The following EDDM13 variants were observed in gnomAD, a reference collection of about 807,000 sequenced individuals.
The protein encoded by EDDM13 is epididymal protein 13.
EDDM13 carries 24 observed loss-of-function variants against 17.8 expected under a neutral mutation model. The ratio of observed to expected loss-of-function variants is 1.35; its 90% CI spans 0.98 to 1.90. The LOEUF (loss-of-function observed/expected upper bound fraction) is 1.90. Among genes scored for constraint, EDDM13 ranks in the 40% most tolerant of loss-of-function variants. The pLI is 0.00. For synonymous variants in EDDM13, 31 were observed against 37.5 expected (o/e 0.83, Z 0.63); for missense variants, 97 against 100.8 (o/e 0.96, Z 0.16).
chr19:56,308,275 GC>G (rs1433106657), intron 14 of EDDM13, among the ~76,000 whole-genome samples: 2 of 151,278 alleles, frequency 1.3e-5, no homozygotes, highest in Admixed American at 1.3e-4. Flanking sequence ...CTTGTGATCC[GC>G]CCGCCTCGGC....
At chr19:56,301,323 G>A (rs2040213544) in intron 12 of EDDM13, among the ~76,000 whole-genome samples, 1 of 152,102 alleles carries the variant, frequency 6.6e-6, no homozygotes, top group Non-Finnish European at 1.5e-5. Context: ...CTGGAGCTGA[G>A]GGTGCCTCCC....
At chr19:56,308,356 C>G (rs2040835287) in intron 14 of EDDM13, among the ~76,000 whole-genome samples, 1 of 144,052 alleles carries the variant, frequency 6.9e-6, no homozygotes, top group African/African-American at 2.6e-5. Context: ...TGGAGGCTCA[C>G]TCTGTCACCC....
At chr19:56,287,883 A>C (rs1482035138) in intron 6 of EDDM13, among the ~76,000 whole-genome samples, 2 of 152,236 alleles carry the variant, frequency 1.3e-5, no homozygotes, top group African/African-American at 4.8e-5. Context: ...TAAGAGGTGT[A>C]AATGCCACAA....
chr19:56,302,474 T>C (rs1489284661), intron 13 of EDDM13, among the ~76,000 whole-genome samples: 1 of 135,380 alleles, frequency 7.4e-6, no homozygotes, highest in Non-Finnish European at 1.6e-5. Context: ...CCTCCCTCCC[T>C]TCTTCCTTCC....
rs562764689 is a variant in EDDM13, at chr19:56,292,306, C to G, written c.232+1460C>G. On this transcript the variant is annotated intron_variant, in intron 9 of 14. Coordinates refer to ENST00000649256, the MANE Select transcript of EDDM13 (RefSeq NM_001354658.2). ...GTAACTTGTTTTCATTTTTTAGAGACAGGATCTTGCTCTGTTGTCCAGGCT... is the reference window on the plus strand; with the variant it reads ...GTAACTTGTTTTCATTTTTTAGAGAGAGGATCTTGCTCTGTTGTCCAGGCT... Among the ~76,000 whole-genome samples, 7 of 152,268 alleles carry G rather than the reference C, an allele frequency of 4.6e-5. No homozygotes were observed. In the South Asian group the frequency reaches 1.5e-3, roughly 32 times the overall value.
At chr19:56,302,150 G>T in intron 13 of EDDM13, 55 bp downstream of exon 13, 1 of 1,199,448 alleles carries the variant, frequency 8.3e-7, no homozygotes, top group Non-Finnish European at 1.0e-6. Flanking sequence ...GGAAAGAGGA[G>T]GGAAGTGGGG....
chr19:56,277,993 A>C (rs941215748), intron 2 of EDDM13, among the ~76,000 whole-genome samples: 9 of 152,186 alleles, frequency 5.9e-5, no homozygotes, highest in African/African-American at 1.9e-4. Context: ...AAACCAAAAA[A>C]GTTTAGTAAG....
At chr19:56,289,623 G>A (rs1367827781) in intron 8 of EDDM13, among the ~76,000 whole-genome samples, 4 of 152,020 alleles carry the variant, frequency 2.6e-5, no homozygotes, top group African/African-American at 9.7e-5. Context: ...TTTGTTTTTG[G>A]GTTTTTTTGA....
intron 8 of EDDM13, among the ~76,000 whole-genome samples, 116 bp from the exon 9 acceptor site, chr19:56,290,725 T>C (rs142578224): frequency 1.7e-4 from 26 of 152,262 alleles, no homozygotes; most frequent in African/African-American, 6.3e-4. Context: ...CAGTTTAAAA[T>C]AGTTTTACGA....
intron 9 of EDDM13, among the ~76,000 whole-genome samples, chr19:56,294,614 ACACAGTGAATGGG>A (rs2039737295): frequency 6.6e-6 from 1 of 152,216 alleles, no homozygotes; most frequent in Non-Finnish European, 1.5e-5. Flanking sequence ...CACAGACAAC[ACACAGTGAATGGG>A]CATGGCTGTG....
chr19:56,294,854 T>G (rs1262448659), intron 9 of EDDM13, among the ~76,000 whole-genome samples: 1 of 152,204 alleles, frequency 6.6e-6, no homozygotes, highest in East Asian at 1.9e-4. Flanking sequence ...GAAAACACAG[T>G]GCTCAGTCAA....
chr19:56,309,077 A>G (rs1457662329), intron 14 of EDDM13, among the ~76,000 whole-genome samples: 1 of 152,250 alleles, frequency 6.6e-6, no homozygotes, highest in East Asian at 1.9e-4. Context: ...AAGGATAAAC[A>G]AAACGTAGTG....
At chr19:56,277,541 G>C (rs556148564) in intron 2 of EDDM13, among the ~76,000 whole-genome samples, 1 of 151,868 alleles carries the variant, frequency 6.6e-6, no homozygotes, top group East Asian at 1.9e-4. Flanking sequence ...GTGAGGGGTG[G>C]GGGAATTTAG....
chr19:56,299,065 A>T (rs1317710009), intron 12 of EDDM13, among the ~76,000 whole-genome samples: 2 of 152,264 alleles, frequency 1.3e-5, no homozygotes, highest in Non-Finnish European at 2.9e-5. Flanking sequence ...CCTTATTAAC[A>T]TAAAAGAAAA....
At chr19:56,282,363 C>A in intron 3 of EDDM13, 128 bp from the exon 4 acceptor site, 1 of 376,046 alleles carries the variant, frequency 2.7e-6, no homozygotes, top group Non-Finnish European at 3.7e-6. Context: ...TATCTCAGGA[C>A]CTATGGGGTG....
Position 56,297,547 on chromosome 19 carries a change from C to T in EDDM13, c.295+16C>T, listed in dbSNP as rs537976076. On this transcript the variant is annotated intron_variant, in intron 12 of 14. Coordinates refer to ENST00000649256, the MANE Select transcript of EDDM13 (RefSeq NM_001354658.2). ...AAGGAGGAAGGTAAGTGCTTGGGGT[C>T]GTACCATTCCTCATCTATAAGACAG... 1.6e-5 allele frequency: 16 copies of T among 983,516 alleles called. No homozygotes were observed. Among genetic ancestry groups the T allele is most frequent in the Admixed American group, 1.2e-4 (2 of 16,264 alleles). 60.9% of individuals were successfully genotyped at this position (983,516 alleles called of 1,614,324 possible).
At chr19:56,302,598 C>CCT (rs2040394117) in intron 13 of EDDM13, among the ~76,000 whole-genome samples, 2 of 74,824 alleles carry the variant, frequency 2.7e-5, no homozygotes, top group Non-Finnish European at 5.6e-5. Flanking sequence ...CTTCCTCTCC[C>CCT]TCTTCTTCCT....
chr19:56,272,993 C>A, intron 1 of EDDM13, 74 bp downstream of exon 1: 1 of 565,396 alleles, frequency 1.8e-6, no homozygotes, highest in Non-Finnish European at 2.2e-6. Context: ...GGGCTGGATT[C>A]AGAGAGAAGC....
chr19:56,295,413 G>T (rs1344609873), intron 9 of EDDM13, among the ~76,000 whole-genome samples: 1 of 152,032 alleles, frequency 6.6e-6, no homozygotes, highest in Non-Finnish European at 1.5e-5. Context: ...GGCCAACGTG[G>T]TGAAACCTCC....
Sources: gnomAD v4.1 joint callset for allele counts (sites outside exome capture counted in the v4.1 genomes callset) on GRCh38, gnomAD v4.1.1 for gene constraint, MANE v1.5 for transcripts, NCBI Gene and HGNC (gene_info 2026-07-23, HGNC 2026-07-21) for gene names.